Variants in SBK1 observed in about 807,000 individuals in gnomAD.
SBK1 encodes the protein SH3 domain binding kinase 1.
A neutral mutation model predicts 24.4 loss-of-function variants in SBK1; 11 were observed. The ratio of observed to expected loss-of-function variants is 0.45; its 90% CI spans 0.28 to 0.75. The LOEUF is 0.75. Among genes scored for constraint, SBK1 ranks in the 30% least tolerant of loss-of-function variants. The pLI is 0.12. For missense variants in SBK1, 467 were observed against 620.5 expected, an observed-to-expected ratio of 0.75 and a Z score of 2.63; for synonymous variants, 308 against 284.4, an observed-to-expected ratio of 1.08 and a Z score of -0.83.
intron 1 of SBK1, among the ~76,000 whole-genome samples, chr16:28,267,527 A>C (rs139491469): frequency 8.7e-4 from 133 of 152,304 alleles, no homozygotes; most frequent in African/African-American, 3.1e-3. Flanking sequence ...GCTAATGGAG[A>C]TTAGGACATG....
intron 1 of SBK1, among the ~76,000 whole-genome samples, chr16:28,281,857 G>A (rs948827095): frequency 2.0e-5 from 3 of 152,172 alleles, no homozygotes; most frequent in Non-Finnish European, 4.4e-5. Context: ...GGGTGTCCCA[G>A]GCAGGCTCTG....
intron 1 of SBK1, among the ~76,000 whole-genome samples, chr16:28,303,507 C>CTTTT (rs143613970): frequency 0.022 from 1,268 of 57,652 alleles, no homozygotes; most frequent in Non-Finnish European, 0.024. Context: ...CTTTTCTTTT[C>CTTTT]TTTTTTTTTT....
intron 1 of SBK1, among the ~76,000 whole-genome samples, chr16:28,316,353 T>C (rs2044795901): frequency 6.6e-6 from 1 of 152,200 alleles, no homozygotes; most frequent in Non-Finnish European, 1.5e-5. Context: ...TCACTGTGTC[T>C]ACTGCCCTTC....
chr16:28,273,140 G>C (rs1215699277), intron 1 of SBK1, among the ~76,000 whole-genome samples: 1 of 150,558 alleles, frequency 6.6e-6, no homozygotes, highest in Admixed American at 6.6e-5. Context: ...CGAACTCATG[G>C]CCTCAAGCAG....
Position 28,296,745 on chromosome 16 carries a change from A to C in SBK1, c.-8+3445A>C, listed in dbSNP as rs376510492. 5.9e-5 allele frequency among the ~76,000 whole-genome samples: 9 copies of C among 152,278 alleles called. No individual in the cohort carries two copies. In the East Asian group the frequency reaches 1.7e-3, roughly 29 times the overall value. ...GCACTCTTACCCCTGAACTAGTGAC[A>C]TCCAGCAACCAAAAACCTGTTTTCT... On this transcript the variant is annotated intron_variant, in intron 1 of 3. Coordinates refer to ENST00000341901, the MANE Select transcript of SBK1 (RefSeq NM_001024401.3).
intron 1 of SBK1, among the ~76,000 whole-genome samples, chr16:28,299,213 T>C (rs2044662583): frequency 6.6e-6 from 1 of 152,166 alleles, no homozygotes; most frequent in Non-Finnish European, 1.5e-5. Flanking sequence ...GGGATGATAT[T>C]AGTACTTGCC....
At chr16:28,276,378 T>C (rs1814952728) in intron 1 of SBK1, among the ~76,000 whole-genome samples, 2 of 152,170 alleles carry the variant, frequency 1.3e-5, no homozygotes, top group East Asian at 1.9e-4. Context: ...GGGCGGAGGT[T>C]GGGGGCACTC....
chr16:28,287,347 G>A (rs1409183019), intron 1 of SBK1, among the ~76,000 whole-genome samples: 1 of 150,384 alleles, frequency 6.6e-6, no homozygotes, highest in Non-Finnish European at 1.5e-5. Context: ...CACTTGGGAG[G>A]CTGAGGCAAG....
intron 1 of SBK1, among the ~76,000 whole-genome samples, chr16:28,308,244 G>A (rs577751099): frequency 9.2e-5 from 14 of 152,152 alleles, no homozygotes; most frequent in African/African-American, 2.4e-4. Flanking sequence ...TCCACCTCCC[G>A]GGTTCGTGCA....
intron 1 of SBK1, among the ~76,000 whole-genome samples, chr16:28,265,380 C>A (rs2044422153): frequency 6.6e-6 from 1 of 152,020 alleles, no homozygotes; most frequent in Non-Finnish European, 1.5e-5. Flanking sequence ...GATGGCGCCG[C>A]TATAGTCCAG....
chr16:28,307,379 A>G (rs2044724577), intron 1 of SBK1, among the ~76,000 whole-genome samples: 1 of 152,220 alleles, frequency 6.6e-6, no homozygotes, highest in African/African-American at 2.4e-5. Flanking sequence ...AAATCCAGGC[A>G]CCATCACTCC....
At chr16:28,279,669 C>G (rs2044517633) in intron 1 of SBK1, among the ~76,000 whole-genome samples, 1 of 152,068 alleles carries the variant, frequency 6.6e-6, no homozygotes, top group South Asian at 2.1e-4. Context: ...CCCAGGGGCC[C>G]CAGGGACAGC....
chr16:28,301,352 G>A (rs184307827), intron 1 of SBK1, among the ~76,000 whole-genome samples: 2 of 152,360 alleles, frequency 1.3e-5, no homozygotes, highest in East Asian at 1.9e-4. Flanking sequence ...GGAAGGCAGC[G>A]TCACAAGCTA....
chr16:28,305,943 G>T (rs1423887239), intron 1 of SBK1, among the ~76,000 whole-genome samples: 1 of 152,228 alleles, frequency 6.6e-6, no homozygotes, highest in Non-Finnish European at 1.5e-5. Flanking sequence ...GAATGGGCAT[G>T]TGGTGTTTTC....
At chr16:28,265,904 G>T (rs2141558502) in intron 1 of SBK1, among the ~76,000 whole-genome samples, 1 of 151,766 alleles carries the variant, frequency 6.6e-6, no homozygotes, top group East Asian at 1.9e-4. Flanking sequence ...AACCTGGGAA[G>T]TGGAGGTTGT....
chr16:28,276,867 T>TTTCACC (rs2044496447), intron 1 of SBK1, among the ~76,000 whole-genome samples: 1 of 151,982 alleles, frequency 6.6e-6, no homozygotes, highest in Non-Finnish European at 1.5e-5. Flanking sequence ...GGTTTCACCG[T>TTTCACC]GTTAGCCAGG....
intron 1 of SBK1, among the ~76,000 whole-genome samples, chr16:28,279,908 G>A (rs922109944): frequency 2.6e-5 from 4 of 151,684 alleles, no homozygotes; most frequent in Non-Finnish European, 5.9e-5. Flanking sequence ...GGGCAACAGC[G>A]ATGGTTCTTC....
intron 1 of SBK1, 146 bp downstream of exon 1, chr16:28,293,446 C>T: frequency 3.9e-6 from 1 of 259,484 alleles, no homozygotes; most frequent in Non-Finnish European, 6.0e-6. Flanking sequence ...CTCTTTGTGT[C>T]TCGCTTGGAG....
intron 1 of SBK1, among the ~76,000 whole-genome samples, chr16:28,284,504 G>A (rs1567673211): frequency 6.6e-6 from 1 of 152,200 alleles, no homozygotes; most frequent in Non-Finnish European, 1.5e-5. Context: ...CAGTCCTAAG[G>A]AGCCCAGCAC....
Sources: gnomAD v4.1 joint callset for allele counts (sites outside exome capture counted in the v4.1 genomes callset) on GRCh38, gnomAD v4.1.1 for gene constraint, MANE v1.5 for transcripts, NCBI Gene and HGNC (gene_info 2026-07-23, HGNC 2026-07-21) for gene names.